SPATS2L: variants seen among roughly 807,000 people sequenced by gnomAD.
SPATS2L encodes spermatogenesis associated serine rich 2 like.
Under a neutral mutation model 59.6 loss-of-function variants are expected in SPATS2L, and 30 were observed. The observed-to-expected ratio is 0.50, with a 90% CI of 0.38 to 0.68. The LOEUF (loss-of-function observed/expected upper bound fraction) is 0.68, where lower values mean the gene tolerates loss of function less well. SPATS2L is among the 30% of genes least tolerant of loss of function. SPATS2L has a pLI of 0.00. For missense variants in SPATS2L, 615 were observed against 700.0 expected (o/e 0.88, Z 1.37); for synonymous variants, 252 against 263.5 (o/e 0.96, Z 0.42).
chr2:200,364,137 G>GATT (rs527395377), intron 2 of SPATS2L, among the ~76,000 whole-genome samples: 23 of 152,136 alleles, frequency 1.5e-4, no homozygotes, highest in Non-Finnish European at 2.6e-4. Context: ...GTGGCCTCTA[G>GATT]AATCTAGAAA....
In SPATS2L at chr2:200,439,153, C is replaced by T; in HGVS notation, c.477C>T (p.Ser159=). ...ACAGACTACTGCAACAGAAACTATC[C>T]TTAGATGGGAACCCCAAACCTATAC... ...EGNRLLQQKL[S]LDGNPKPIHG... The change falls in exon 7 of 13, where the codon TCC becomes TCT. Residue 159 remains serine, a synonymous_variant. Transcript: ENST00000409140. 1 of 1,613,668 alleles carries T rather than the reference C, an allele frequency of 6.2e-7. No individual in the cohort carries two copies. Among genetic ancestry groups the T allele is most frequent in the Non-Finnish European group, 8.5e-7 (1 of 1,179,696 alleles).
chr2:200,388,591 CA>C (rs990328799), intron 2 of SPATS2L, among the ~76,000 whole-genome samples: 1 of 106,398 alleles, frequency 9.4e-6, no homozygotes, highest in South Asian at 3.5e-4. Context: ...GAGACAAGCT[CA>C]AAAAAAAAGG....
At chr2:200,440,539 C>G in intron 7 of SPATS2L, 110 bp from the exon 8 acceptor site, 1 of 1,087,364 alleles carries the variant, frequency 9.2e-7, no homozygotes, top group Non-Finnish European at 1.3e-6. Context: ...TTTTACTAGA[C>G]AAAAGATGAG....
chr2:200,337,002 C>T (rs1021469168), intron 2 of SPATS2L, among the ~76,000 whole-genome samples: 8 of 152,096 alleles, frequency 5.3e-5, no homozygotes, highest in South Asian at 2.1e-4. Flanking sequence ...ATGGTAATAA[C>T]GATCATTAGT....
intron 2 of SPATS2L, among the ~76,000 whole-genome samples, chr2:200,377,704 G>A (rs2081647559): frequency 6.6e-6 from 1 of 152,200 alleles, no homozygotes. Flanking sequence ...ACTTCCTTGT[G>A]TGAGCACATG....
intron 3 of SPATS2L, among the ~76,000 whole-genome samples, chr2:200,394,829 T>C (rs558777959): frequency 1.3e-5 from 2 of 152,352 alleles, no homozygotes; most frequent in East Asian, 3.9e-4. Flanking sequence ...AGTAGTATGT[T>C]TACATAATCA....
intron 6 of SPATS2L, among the ~76,000 whole-genome samples, chr2:200,430,129 A>G (rs1187462439): frequency 6.6e-6 from 1 of 152,132 alleles, no homozygotes; most frequent in African/African-American, 2.4e-5. Flanking sequence ...CCTTCCTATT[A>G]AAGTGCAAGT....
At chr2:200,467,139 G>A in intron 9 of SPATS2L, 151 bp from the exon 10 acceptor site, 1 of 614,742 alleles carries the variant, frequency 1.6e-6, no homozygotes, top group Non-Finnish European at 3.0e-6. Context: ...TAGGCACAGA[G>A]GGTGAACCCG....
chr2:200,340,311 G>T (rs568120677), intron 2 of SPATS2L, among the ~76,000 whole-genome samples: 1 of 152,248 alleles, frequency 6.6e-6, no homozygotes, highest in South Asian at 2.1e-4. Flanking sequence ...GCCACCAGCA[G>T]TTTTTTCTGC....
intron 2 of SPATS2L, among the ~76,000 whole-genome samples, chr2:200,360,996 T>TGTGTGTGA (rs1373584151): frequency 1.3e-5 from 2 of 150,636 alleles, no homozygotes; most frequent in East Asian, 2.0e-4. Flanking sequence ...TGTGTGTGTG[T>TGTGTGTGA]GACTGTGTAT....
intron 5 of SPATS2L, among the ~76,000 whole-genome samples, chr2:200,418,166 C>T (rs937767757): frequency 2.3e-4 from 35 of 152,046 alleles, no homozygotes; most frequent in Non-Finnish European, 4.1e-4. Flanking sequence ...TAAAATGAAG[C>T]CTTGTAATGC....
rs550676178 is a variant in SPATS2L, at chr2:200,307,463, A to G, written c.-73+541A>G. Among the ~76,000 whole-genome samples, 46 of 152,026 alleles carry G rather than the reference A, an allele frequency of 3.0e-4. No individual in the cohort carries two copies. In the East Asian group the frequency reaches 5.5e-3, roughly 18 times the overall value. Reference sequence around the variant, plus strand: ...ACTGAACCCCGCGCCCCTGGCGCCCAGCGGGAGTGGGATGCGTTGGCGTCC... The same window carrying G: ...ACTGAACCCCGCGCCCCTGGCGCCCGGCGGGAGTGGGATGCGTTGGCGTCC... On this transcript the variant is annotated intron_variant, in intron 1 of 12. Transcript: ENST00000409140.
chr2:200,358,595 C>CT (rs34439081), intron 2 of SPATS2L, among the ~76,000 whole-genome samples: 86,469 of 148,022 alleles, frequency 0.58, 28,217 homozygotes, highest in South Asian at 0.86. Context: ...GTGATATTTC[C>CT]TTTTTTTTTT....
intron 1 of SPATS2L, among the ~76,000 whole-genome samples, chr2:200,313,395 A>G (rs995784243): frequency 1.4e-4 from 22 of 152,296 alleles, no homozygotes; most frequent in Admixed American, 6.5e-4. Flanking sequence ...GATAACTATT[A>G]TTACATTTAT....
chr2:200,352,976 T>C (rs2105848933), intron 2 of SPATS2L, among the ~76,000 whole-genome samples: 1 of 152,340 alleles, frequency 6.6e-6, no homozygotes, highest in Admixed American at 6.5e-5. Context: ...AAGTCTGAAC[T>C]ACTCTGACAA....
intron 6 of SPATS2L, among the ~76,000 whole-genome samples, chr2:200,422,004 A>T (rs1464394741): frequency 6.6e-6 from 1 of 152,234 alleles, no homozygotes; most frequent in Non-Finnish European, 1.5e-5. Context: ...TGCAATATAG[A>T]AGTGCCTCCC....
chr2:200,352,313 T>TATATATA lies in SPATS2L; in HGVS notation c.-23+22833_-23+22834insATATATA, dbSNP rs1559060459. On this transcript the variant is annotated intron_variant, in intron 2 of 12. Transcript: ENST00000409140. ...TTTGAGGCTATATAACCAGCAGTTTTTATATATATATATATATATATATAT... is the reference window on the plus strand; with the variant it reads ...TTTGAGGCTATATAACCAGCAGTTTTATATATATATATATATATATATATATATATAT... Among the ~76,000 whole-genome samples the TATATATA allele has an allele frequency of 2.3e-4, 2 of 8,652 alleles. 1 individual carries two copies. Among genetic ancestry groups the TATATATA allele is most frequent in the African/African-American group, 3.2e-4 (2 of 6,348 alleles). The allele number at this position is 8,652 out of a possible 152,430, so 5.7% of individuals were successfully genotyped here.
intron 6 of SPATS2L, among the ~76,000 whole-genome samples, chr2:200,423,608 A>G (rs963244015): frequency 1.3e-5 from 2 of 152,228 alleles, no homozygotes; most frequent in African/African-American, 4.8e-5. Flanking sequence ...ACTCCTAAAA[A>G]AAAATGTGTA....
intron 2 of SPATS2L, 54 bp from the exon 3 acceptor site, chr2:200,389,169 A>T (rs1480515439): frequency 1.7e-6 from 2 of 1,158,674 alleles, no homozygotes; most frequent in Non-Finnish European, 2.5e-6. Context: ...GAGTGTAAAA[A>T]TAACACATTG....
Sources: allele counts gnomAD v4.1 joint callset (sites outside exome capture counted in the v4.1 genomes callset), GRCh38; gene constraint gnomAD v4.1.1; transcripts MANE v1.5; gene names NCBI Gene and HGNC (gene_info 2026-07-23, HGNC 2026-07-21).